Variants in NDE1 observed in about 807,000 individuals in gnomAD.
NDE1 encodes nuclear distribution protein nudE homolog 1.
NDE1 carries 28 observed loss-of-function variants against 43.4 expected under a neutral mutation model. The observed-to-expected ratio is 0.65, with a 90% CI of 0.48 to 0.89. The LOEUF is 0.89. Ranked by LOEUF, NDE1 falls within the 40% of genes least tolerant of loss-of-function variation. The pLI is 0.00. For missense variants in NDE1, 441 were observed against 434.1 expected (o/e 1.02, Z -0.14); for synonymous variants, 184 against 172.0 (o/e 1.07, Z -0.55).
intron 1 of NDE1, among the ~76,000 whole-genome samples, chr16:15,659,575 T>G (rs2036944358): frequency 6.6e-6 from 1 of 151,198 alleles, no homozygotes; most frequent in South Asian, 2.1e-4. Flanking sequence ...TAGTGGGGAT[T>G]ACAGGCGCAC....
At chr16:15,700,036 G>A (rs2039173098) in intron 8 of NDE1, 2 of 1,183,466 alleles carry the variant, frequency 1.7e-6, no homozygotes, top group Non-Finnish European at 2.1e-6. Context: ...CTGCCACCGT[G>A]TGCATTGCAA....
intron 5 of NDE1, among the ~76,000 whole-genome samples, chr16:15,690,349 T>TTC (rs2038680286): frequency 9.2e-6 from 1 of 108,780 alleles, no homozygotes. Flanking sequence ...TTTTTTTTTT[T>TTC]TTTCTTTTTT....
At chr16:15,721,694 G>C in intron 8 of NDE1, 1 of 1,568,242 alleles carries the variant, frequency 6.4e-7, no homozygotes, top group Admixed American at 1.7e-5. Context: ...TCACTGAATT[G>C]TAAATACCGG....
chr16:15,673,062 G>C (rs1052083134), intron 3 of NDE1, among the ~76,000 whole-genome samples: 3 of 152,182 alleles, frequency 2.0e-5, no homozygotes, highest in African/African-American at 7.2e-5. Flanking sequence ...CATCACCCTG[G>C]GTGCATCCGG....
upstream of NDE1, chr16:15,650,210 G>GCGGGGTCCGGAGGGC (rs1420772076): frequency 5.5e-6 from 1 of 180,746 alleles, no homozygotes; most frequent in East Asian, 1.7e-4. Flanking sequence ...CGGGGCGGGG[G>GCGGGGTCCGGAGGGC]CGGGGTCCGG....
chr16:15,666,547 T>C (rs548611758), intron 2 of NDE1, among the ~76,000 whole-genome samples: 1 of 152,264 alleles, frequency 6.6e-6, no homozygotes, highest in Non-Finnish European at 1.5e-5. Context: ...AGGTCGAGGC[T>C]GCAGTGACGC....
chr16:15,687,018 T>C (rs2038471461), intron 4 of NDE1: 1 of 985,334 alleles, frequency 1.0e-6, no homozygotes, highest in Non-Finnish European at 1.2e-6. Context: ...TTTTTAATGC[T>C]GGTTGGCATT....
rs372475772 is a variant in NDE1 at position 15,699,695 on chromosome 16, T to C, written c.947+2835T>C. ...GTGCTAGCCAGTTTGTCACAGCTGT[T>C]ATGTCAGCTTAATTTGGTTTGCTCT... On this transcript the variant is annotated intron_variant, in intron 8 of 8. Coordinates refer to ENST00000396354, the MANE Select transcript of NDE1 (RefSeq NM_017668.3). 217 of 1,340,490 alleles carry C rather than the reference T, an allele frequency of 1.6e-4. 6 individuals carry two copies. In the South Asian group the frequency reaches 2.5e-3, roughly 15 times the overall value. 83.0% of individuals were successfully genotyped at this position (1,340,490 alleles called of 1,614,324 possible). A position where few individuals can be genotyped will look rare whatever the true frequency, so the allele number is the denominator to read the frequency against.
chr16:15,720,206 G>C (rs763622421), intron 8 of NDE1: 1 of 1,614,086 alleles, frequency 6.2e-7, no homozygotes, highest in South Asian at 1.1e-5. Flanking sequence ...GGCAGAGTCG[G>C]CCTGAAGCTC....
intron 1 of NDE1, among the ~76,000 whole-genome samples, chr16:15,656,730 G>C (rs961249578): frequency 6.6e-6 from 1 of 151,960 alleles, no homozygotes; most frequent in South Asian, 2.1e-4. Flanking sequence ...TAGCAGAGAT[G>C]GGGTTTTACC....
rs8060709 is a variant in NDE1, at chr16:15,683,062, G to A, written c.387-4313G>A. On this transcript the variant is annotated intron_variant, in intron 4 of 8. Transcript: ENST00000396354. The stretch of plus-strand genomic sequence containing the variant: ...GGGTCACACAGTGTTTCCCAGGCTG[G>A]TCTCAAACTCCTGGATTCAAACAAT... Among the ~76,000 whole-genome samples the A allele has an allele frequency of 2.0e-3, 307 of 151,784 alleles. 3 individuals are homozygous for A. The highest frequency in any genetic ancestry group is 7.2e-3 in the African/African-American group (296 of 41,386).
At chr16:15,666,777 T>C (rs993192889) in intron 2 of NDE1, among the ~76,000 whole-genome samples, 11 of 152,068 alleles carry the variant, frequency 7.2e-5, no homozygotes, top group African/African-American at 9.7e-5. Flanking sequence ...TGTGCCACCA[T>C]GTCTGGCTGA....
intron 1 of NDE1, among the ~76,000 whole-genome samples, chr16:15,658,473 G>T (rs1431266035): frequency 6.6e-6 from 1 of 152,162 alleles, no homozygotes; most frequent in Non-Finnish European, 1.5e-5. Flanking sequence ...CACTAAGGTC[G>T]TGAATAGGCA....
intron 5 of NDE1, among the ~76,000 whole-genome samples, chr16:15,688,141 ACTC>A (rs1185562071): frequency 6.6e-6 from 1 of 152,160 alleles, no homozygotes; most frequent in Non-Finnish European, 1.5e-5. Context: ...GCACCAGTGC[ACTC>A]CAGCCTGGGT....
intron 8 of NDE1, among the ~76,000 whole-genome samples, chr16:15,716,943 T>C (rs1365691524): frequency 6.6e-6 from 1 of 152,220 alleles, no homozygotes; most frequent in Non-Finnish European, 1.5e-5. Context: ...CTTTAGGTGC[T>C]TGCCCTAGGC....
At chr16:15,710,152 C>T (rs1463489029) in intron 8 of NDE1, among the ~76,000 whole-genome samples, 3 of 152,116 alleles carry the variant, frequency 2.0e-5, no homozygotes, top group Non-Finnish European at 4.4e-5. Flanking sequence ...CTTTTTGTTC[C>T]ACTTTGCCCT....
At chr16:15,723,569 C>G (rs1378042422) in intron 8 of NDE1, among the ~76,000 whole-genome samples, 2 of 152,196 alleles carry the variant, frequency 1.3e-5, no homozygotes, top group East Asian at 3.8e-4. Context: ...ATCGCTTGAA[C>G]CCAGTGGTGG....
intron 8 of NDE1, chr16:15,699,723 C>G (rs774492907): frequency 2.2e-6 from 3 of 1,349,984 alleles, no homozygotes; most frequent in East Asian, 9.1e-5. Context: ...TTTGCTCTGT[C>G]TGAAGGTTGG....
At chr16:15,655,608 A>AC in intron 1 of NDE1, among the ~76,000 whole-genome samples, 1 of 152,116 alleles carries the variant, frequency 6.6e-6, no homozygotes, top group Non-Finnish European at 1.5e-5. Flanking sequence ...ATACCATTTG[A>AC]CCCAGCCATC....
Sources: gnomAD v4.1 joint callset for allele counts (sites outside exome capture counted in the v4.1 genomes callset) on GRCh38, gnomAD v4.1.1 for gene constraint, MANE v1.5 for transcripts, NCBI Gene and HGNC (gene_info 2026-07-23, HGNC 2026-07-21) for gene names.